MID1: variants seen among roughly 807,000 people sequenced by gnomAD.
MID1 encodes the protein E3 ubiquitin-protein ligase Midline-1.
In MID1, 7 loss-of-function variants were observed where a neutral mutation model predicts 40.4. The observed-to-expected ratio is 0.17, with a 90% CI of 0.10 to 0.33. The LOEUF (loss-of-function observed/expected upper bound fraction) is 0.33, where lower values mean the gene tolerates loss of function less well. Among genes scored for constraint, MID1 ranks in the 10% least tolerant of loss-of-function variants. The probability of loss-of-function intolerance (pLI) is 1.00; values close to 1 mark genes in which losing one functional copy is unlikely to be tolerated. For missense variants in MID1, 367 were observed against 558.5 expected (o/e 0.66, Z 3.46); for synonymous variants, 229 against 221.2 (o/e 1.04, Z -0.31).
intron 7 of MID1, among the ~76,000 whole-genome samples, chrX:10,464,924 C>A (rs1929252439): frequency 9.0e-6 from 1 of 110,671 alleles, no homozygotes; most frequent in Non-Finnish European, 1.9e-5. Flanking sequence ...GTGGCTCATG[C>A]CTGTAATCCC....
intron 4 of MID1, among the ~76,000 whole-genome samples, chrX:10,491,771 G>A (rs1384310463): frequency 1.8e-5 from 2 of 111,870 alleles, no homozygotes; most frequent in Non-Finnish European, 3.8e-5. Flanking sequence ...TGTGGTCTTA[G>A]AGGCAGGGTT....
intron 1 of MID1, among the ~76,000 whole-genome samples, chrX:10,660,491 G>A (rs1362650421): frequency 8.0e-5 from 9 of 112,350 alleles, no homozygotes; most frequent in Non-Finnish European, 1.5e-4. Flanking sequence ...CCTGGGTGCT[G>A]TGAACTGTTC....
At chrX:10,667,657 C>G (rs1273297047) in intron 1 of MID1, among the ~76,000 whole-genome samples, 1 of 111,055 alleles carries the variant, frequency 9.0e-6, no homozygotes, top group Non-Finnish European at 1.9e-5. Flanking sequence ...TTTCGGAGAC[C>G]TAGCATTTGT....
chrX:10,770,697 G>A lies in MID1; in HGVS notation c.-187+62857C>T, dbSNP rs1373668383. Among the ~76,000 whole-genome samples, 7 of 112,101 alleles carry A rather than the reference G, an allele frequency of 6.2e-5. No individual in the cohort carries two copies. The South Asian group carries it at 1.1e-3, about 18-fold the overall frequency. Reference sequence around the variant, plus strand: ...TGCCTCATATTCGTGTTCCTTATGAGGGAAATTAATCTGCACAGCTCCTCT... The same window carrying A: ...TGCCTCATATTCGTGTTCCTTATGAAGGAAATTAATCTGCACAGCTCCTCT... On this transcript the variant is annotated intron_variant, in intron 1 of 10. Transcript: ENST00000380785.
intron 1 of MID1, among the ~76,000 whole-genome samples, chrX:10,743,047 C>T (rs7050188): frequency 0.11 from 11,946 of 112,422 alleles, 1,520 homozygotes; most frequent in African/African-American, 0.36. Context: ...ATTAAAAGCT[C>T]ATTAGAAGCA....
intron 1 of MID1, among the ~76,000 whole-genome samples, chrX:10,704,789 G>C (rs1365773862): frequency 9.8e-6 from 1 of 101,825 alleles, no homozygotes; most frequent in African/African-American, 3.6e-5. Context: ...GAGAGAGATG[G>C]AGTCTCGCTC....
intron 1 of MID1, among the ~76,000 whole-genome samples, chrX:10,738,112 G>T (rs1255199521): frequency 8.9e-6 from 1 of 111,752 alleles, no homozygotes; most frequent in Non-Finnish European, 1.9e-5. Flanking sequence ...GCCAGGCTCA[G>T]ACAGTTAGCG....
At chrX:10,649,174 G>T (rs1336506533) in intron 1 of MID1, among the ~76,000 whole-genome samples, 1 of 111,915 alleles carries the variant, frequency 8.9e-6, no homozygotes, top group Admixed American at 9.5e-5. Flanking sequence ...TAGAAGCAAA[G>T]CAGCTACTCC....
At chrX:10,690,738 G>A (rs770751796) in intron 1 of MID1, among the ~76,000 whole-genome samples, 1 of 111,988 alleles carries the variant, frequency 8.9e-6, no homozygotes, top group Non-Finnish European at 1.9e-5. Flanking sequence ...AGGGACTAGA[G>A]ATCTGTAAGG....
intron 1 of MID1, among the ~76,000 whole-genome samples, chrX:10,774,898 A>G (rs1000089703): frequency 2.7e-5 from 3 of 111,368 alleles, no homozygotes. Context: ...TCCACTTCAA[A>G]TCTCAATAGC....
At chrX:10,532,138 C>T (rs956875339) in intron 2 of MID1, among the ~76,000 whole-genome samples, 2 of 111,650 alleles carry the variant, frequency 1.8e-5, no homozygotes, top group Non-Finnish European at 3.8e-5. Context: ...GCTCATTTGC[C>T]CTTGTTCAAC....
intron 1 of MID1, among the ~76,000 whole-genome samples, chrX:10,756,701 T>C (rs1602558938): frequency 8.9e-6 from 1 of 111,956 alleles, no homozygotes; most frequent in African/African-American, 3.3e-5. Flanking sequence ...CTTGTGGCAA[T>C]GTACTCTCCT....
At chrX:10,763,603 G>A (rs2043698376) in intron 1 of MID1, among the ~76,000 whole-genome samples, 1 of 111,528 alleles carries the variant, frequency 9.0e-6, no homozygotes, top group Admixed American at 9.5e-5. Flanking sequence ...CTTTGCTATT[G>A]TGAATAGTGC....
chrX:10,501,668 G>A (rs1213897852), intron 3 of MID1: 4 of 639,327 alleles, frequency 6.3e-6, no homozygotes, highest in South Asian at 3.2e-5. Flanking sequence ...AGGGTCACTC[G>A]GCTTCATTAA....
chrX:10,659,138 T>C (rs979552949), intron 1 of MID1, among the ~76,000 whole-genome samples: 2 of 112,062 alleles, frequency 1.8e-5, no homozygotes, highest in Non-Finnish European at 3.8e-5. Context: ...CAATGTCAAA[T>C]GCTGATGTGT....
At position 10,474,586 on chromosome X, in the gene MID1, G is replaced by C. The variant is rs1216205479; in HGVS notation, c.1141+37C>G. 2.5e-6 allele frequency: 3 copies of C among 1,188,365 alleles called. No individual in the cohort carries two copies. In the African/African-American group the frequency reaches 5.2e-5, roughly 21 times the overall value. On this transcript the variant is annotated intron_variant, in intron 6 of 9. Transcript: ENST00000317552. Reference sequence around the variant, plus strand: ...GGTGGCAAAGTGTTTATATCACTAAGTGTGCACAATATTAAAGAGAACATA... The same window carrying C: ...GGTGGCAAAGTGTTTATATCACTAACTGTGCACAATATTAAAGAGAACATA...
Position 10,577,203 on chromosome X carries a change from C to T in MID1, c.-56-9600G>A, listed in dbSNP as rs376085007. Among the ~76,000 whole-genome samples the T allele has an allele frequency of 9.9e-5, 11 of 111,654 alleles. No homozygotes were observed. The East Asian group carries it at 3.1e-3, about 32-fold the overall frequency. ...TTACAGGGACCAGCAGCAGCTTGGC[C>T]GAATGAGACACTGTCCTGTGGCAGA... is the stretch of plus-strand genomic sequence containing the variant. On this transcript the variant is annotated intron_variant, in intron 1 of 9. Coordinates refer to ENST00000317552, the MANE Select transcript of MID1 (RefSeq NM_000381.4).
intron 1 of MID1, among the ~76,000 whole-genome samples, chrX:10,581,387 A>G (rs953150888): frequency 1.8e-5 from 2 of 112,587 alleles, no homozygotes; most frequent in African/African-American, 6.5e-5. Context: ...GATACTGTAC[A>G]TATCTTATAC....
intron 1 of MID1, among the ~76,000 whole-genome samples, chrX:10,744,869 T>C (rs2043548208): frequency 8.9e-6 from 1 of 111,964 alleles, no homozygotes; most frequent in Admixed American, 9.5e-5. Flanking sequence ...CAGTAATTGG[T>C]CCAATGGATG....
Sources: gnomAD v4.1 joint callset for allele counts (sites outside exome capture counted in the v4.1 genomes callset) on GRCh38, gnomAD v4.1.1 for gene constraint, MANE v1.5 for transcripts, NCBI Gene and HGNC (gene_info 2026-07-23, HGNC 2026-07-21) for gene names.